Variants in DHRS1 observed in about 807,000 individuals in gnomAD.
DHRS1 encodes dehydrogenase/reductase 1.
Under a neutral mutation model 35.2 loss-of-function variants are expected in DHRS1, and 34 were observed. That is an observed-to-expected ratio of 0.97 (90% confidence interval 0.74 to 1.29). The LOEUF (loss-of-function observed/expected upper bound fraction) is 1.29, where lower values mean the gene tolerates loss of function less well. Among genes scored for constraint, DHRS1 ranks in the 50% most tolerant of loss-of-function variants. The pLI, the probability that DHRS1 is intolerant of heterozygous loss-of-function variation, is 0.00. For synonymous variants in DHRS1, 133 were observed against 160.0 expected (o/e 0.83, Z 1.27); for missense variants, 354 against 403.6 (o/e 0.88, Z 1.05).
chr14:24,294,166 G>T (rs1036482800), intron 4 of DHRS1: 41 of 151,956 alleles, frequency 2.7e-4, no homozygotes, highest in African/African-American at 9.9e-4. Context: ...TAAACTTGAG[G>T]GAAAAGGCTT....
intron 4 of DHRS1, among the ~76,000 whole-genome samples, chr14:24,295,242 A>C (rs2041230045): frequency 6.6e-6 from 1 of 152,244 alleles, no homozygotes; most frequent in South Asian, 2.1e-4. Flanking sequence ...AATAGTAGCT[A>C]TATATCAGGC....
chr14:24,299,280 T>A (rs1040746795), intron 1 of DHRS1, 150 bp from the exon 2 acceptor site: 1 of 705,124 alleles, frequency 1.4e-6, no homozygotes, highest in Non-Finnish European at 2.3e-6. Context: ...GGCTGACAAC[T>A]GGGTGCGGGC....
At chr14:24,297,007 C>T in intron 2 of DHRS1, 126 bp from the exon 3 acceptor site, 1 of 1,338,206 alleles carries the variant, frequency 7.5e-7, no homozygotes, top group Non-Finnish European at 1.0e-6. Context: ...GCTGCAGAGG[C>T]AACATGGCAG....
rs748097310 is a variant in DHRS1 at position 24,299,087 on chromosome 14, C to A, written c.20G>T (p.Gly7Val). The change falls in exon 2 of 9, where the codon GGC becomes GTC. Residue 7 changes from glycine to valine, a missense_variant. By Grantham distance (109) the Gly-to-Val change is moderately radical (BLOSUM62 -3). Transcript: ENST00000288111. ...GGCACCAGTCACCACACACACTTGGCCATTCATGGGAGCTGCCATGACTCA... is the reference window on the plus strand; with the variant it reads ...GGCACCAGTCACCACACACACTTGGACATTCATGGGAGCTGCCATGACTCA... Reference protein sequence around the residue: MAAPMNGQVCVVTGASR... With the variant: MAAPMNVQVCVVTGASR... 5.0e-6 allele frequency: 8 copies of A among 1,613,460 alleles called. No homozygotes were observed. The highest frequency in any genetic ancestry group is 6.8e-6 in the Non-Finnish European group (8 of 1,179,556).
Position 24,292,216 on chromosome 14 carries a change from C to T in DHRS1, c.622G>A (p.Glu208Lys), listed in dbSNP as rs2041169629. The change falls in exon 6 of 9, where the codon GAG (glutamate) becomes AAG (lysine). Residue 208 changes from glutamate (E) to lysine (K), a missense_variant. Transcript: ENST00000288111. ...TELLKEHMAK[E>K]EVLQDPVLKQ... is the part of the protein sequence containing the mutation. ...AACACAGGATCCTGCAGGACCTCCTCCTTTGCCATATGCTCCTTCAGCAGT... is the reference window on the plus strand; with the variant it reads ...AACACAGGATCCTGCAGGACCTCCTTCTTTGCCATATGCTCCTTCAGCAGT... The T allele has an allele frequency of 2.5e-6, 4 of 1,614,176 alleles. No individual in the cohort carries two copies. Among genetic ancestry groups the T allele is most frequent in the Non-Finnish European group, 2.5e-6 (3 of 1,180,036 alleles).
chr14:24,292,364 C>T, intron 5 of DHRS1, 34 bp from the exon 6 acceptor site: 1 of 1,611,838 alleles, frequency 6.2e-7, no homozygotes, highest in Non-Finnish European at 8.5e-7. Flanking sequence ...TAAGAGCCAC[C>T]TAGCCATGTC....
chr14:24,296,488 T>G, intron 4 of DHRS1, 21 bp downstream of exon 4: 1 of 1,613,640 alleles, frequency 6.2e-7, no homozygotes, highest in Admixed American at 1.7e-5. Flanking sequence ...GGAACATGGG[T>G]CCTGGCAGTG....
chr14:24,298,912 C>CTCTCGGGTGGTT, intron 2 of DHRS1, 45 bp downstream of exon 2: 1 of 1,568,160 alleles, frequency 6.4e-7, no homozygotes, highest in Non-Finnish European at 8.7e-7. Flanking sequence ...TGGAAGGGCT[C>CTCTCGGGTGGTT]TCTCGGGTGG....
Position 24,291,578 on chromosome 14 carries a change from T to C in DHRS1, c.702A>G (p.Lys234=). 1 of 1,614,188 alleles carries C rather than the reference T, an allele frequency of 6.2e-7. No homozygotes were observed. Among genetic ancestry groups the C allele is most frequent in the Non-Finnish European group, 8.5e-7 (1 of 1,180,026 alleles). ...SSAETTELSG[K]CVVALATDPN... is the part of the protein sequence containing the mutation. ...CACCTGTTGCCAAAGCCACCACACA[T>C]TTGCCACTCAATTCTGTGGTTTCCG... Residue 234 remains lysine (K), a synonymous_variant, in exon 7 of 9, where the codon AAA becomes AAG. Coordinates refer to ENST00000288111, the MANE Select transcript of DHRS1 (RefSeq NM_001136050.3).
At chr14:24,291,733 G>A in intron 6 of DHRS1, 108 bp from the exon 7 acceptor site, 2 of 1,201,772 alleles carry the variant, frequency 1.7e-6, no homozygotes, top group South Asian at 1.2e-5. Context: ...AGACCAAAGA[G>A]GCCAAAGACC....
chr14:24,296,602 G>A lies in DHRS1; in HGVS notation c.295-14C>T. 6.2e-7 allele frequency: 1 copy of A among 1,614,108 alleles called. No individual in the cohort carries two copies. The highest frequency in any genetic ancestry group is 8.5e-7 in the Non-Finnish European group (1 of 1,180,004). ...GTTCAGGATCGTCTGGAAGGCACAGGGAGGGTGATGAATGATCTGAAGGTA... is the reference window on the plus strand; with the variant it reads ...GTTCAGGATCGTCTGGAAGGCACAGAGAGGGTGATGAATGATCTGAAGGTA... On this transcript the variant is annotated splice_polypyrimidine_tract_variant and intron_variant, in intron 3 of 8. Transcript: ENST00000288111.
Position 24,299,129 on chromosome 14 carries a change from G to A in DHRS1, c.-23C>T. ...CATGACTCACAGGCAAAGGAGGCAG[G>A]TCTGTGGAAGCAAAGACTTACTCTG... is the stretch of plus-strand genomic sequence containing the variant. On this transcript the variant is annotated splice_region_variant and 5_prime_UTR_variant, in exon 2 of 9. Coordinates refer to ENST00000288111, the MANE Select transcript of DHRS1 (RefSeq NM_001136050.3). The A allele has an allele frequency of 3.1e-6, 5 of 1,604,168 alleles. No individual in the cohort carries two copies. Among genetic ancestry groups the A allele is most frequent in the East Asian group, 2.2e-5 (1 of 44,586 alleles).
At chr14:24,294,726 T>C (rs2041219741) in intron 4 of DHRS1, 1 of 152,162 alleles carries the variant, frequency 6.6e-6, no homozygotes. Context: ...TGATCTCTTA[T>C]AAATTAATGC....
At position 24,298,959 on chromosome 14, in the gene DHRS1, C is replaced by A. The variant is rs201787891; in HGVS notation, c.148G>T (p.Glu50Ter). The stretch of plus-strand genomic sequence containing the variant: ...GTGGTCCCAGAGGAAGCACTCACCT[C>A]CTGAGCAACAACGCGAAGGGTGTCC... ...HLDTLRVVAQ[E>*]AQSLGGQCVP... Residue 50 changes from glutamate to a stop codon, truncating the protein, a stop_gained and splice_region_variant, in exon 2 of 9, where the codon GAG becomes TAG. Transcript: ENST00000288111. LOFTEE classifies it high-confidence loss of function. 2.5e-6 allele frequency: 4 copies of A among 1,605,868 alleles called. No individual in the cohort carries two copies. Among genetic ancestry groups the A allele is most frequent in the Non-Finnish European group, 3.4e-6 (4 of 1,173,290 alleles).
At chr14:24,299,161 G>A (rs766511436) in intron 1 of DHRS1, 31 bp from the exon 2 acceptor site, 679 of 1,571,630 alleles carry the variant, frequency 4.3e-4, no homozygotes, top group Non-Finnish European at 5.0e-4. Context: ...TCTGAGGGAA[G>A]CCTGGAGACT....
chr14:24,299,218 G>T, intron 1 of DHRS1, 88 bp from the exon 2 acceptor site: 1 of 1,271,518 alleles, frequency 7.9e-7, no homozygotes, highest in Non-Finnish European at 1.1e-6. Context: ...AACCTCACTA[G>T]GGCTAAGAGG....
At position 24,290,673 on chromosome 14, in the gene DHRS1, A is replaced by G. The variant is rs951448499; in HGVS notation, c.*186T>C. 5.8e-5 allele frequency: 36 copies of G among 623,164 alleles called. No homozygotes were observed. Among genetic ancestry groups the G allele is most frequent in the Middle Eastern group, 4.4e-4 (1 of 2,256 alleles). 38.6% of individuals were successfully genotyped at this position (623,164 alleles called of 1,614,324 possible). On this transcript the variant is annotated 3_prime_UTR_variant, in exon 9 of 9. Transcript: ENST00000288111. ...AAGGCAAAAAGTAAAAAGAAGGACA[A>G]GGAAAACCAAGGCACAAAGAAGGGA...
chr14:24,295,748 C>T (rs1234556505), intron 4 of DHRS1, among the ~76,000 whole-genome samples: 1 of 152,218 alleles, frequency 6.6e-6, no homozygotes, highest in African/African-American at 2.4e-5. Flanking sequence ...CTTCCTTCCA[C>T]TTTGGAAATC....
rs369654913 is a variant in DHRS1, at chr14:24,290,910, G to A, written c.891C>T (p.Ser297=). ...TAATCCACTTGGGCACACGGAGGAA[G>A]GAGGGCAGGTAGGAGGCCAGCCAGC... The part of the protein sequence containing the change: ...GLGWLASYLP[S]FLRVPKWIIA... Residue 297 remains serine (S), a synonymous_variant, in exon 9 of 9, where the codon TCC becomes TCT. Coordinates refer to ENST00000288111, the MANE Select transcript of DHRS1 (RefSeq NM_001136050.3). 3 of 1,613,948 alleles carry A rather than the reference G, an allele frequency of 1.9e-6. No homozygotes were observed. The highest frequency in any genetic ancestry group is 2.5e-6 in the Non-Finnish European group (3 of 1,180,012).
Sources: allele counts gnomAD v4.1 joint callset (sites outside exome capture counted in the v4.1 genomes callset), GRCh38; gene constraint gnomAD v4.1.1; transcripts MANE v1.5; gene names NCBI Gene and HGNC (gene_info 2026-07-23, HGNC 2026-07-21).